MCF2: variants seen among roughly 807,000 people sequenced by gnomAD.
The protein encoded by MCF2 is MCF.2 cell line derived transforming sequence.
MCF2 carries 44 observed loss-of-function variants against 82.5 expected under a neutral mutation model. The observed-to-expected ratio is 0.53, with a 90% CI of 0.42 to 0.69. The LOEUF is 0.69. Ranked by LOEUF, MCF2 falls within the 30% of genes least tolerant of loss-of-function variation. The pLI is 0.00. For missense variants in MCF2, 623 were observed against 663.1 expected, an observed-to-expected ratio of 0.94 and a Z score of 0.66; for synonymous variants, 217 against 224.9, an observed-to-expected ratio of 0.96 and a Z score of 0.32.
chrX:139,596,521 C>G (rs1218311085), intron 19 of MCF2, 28 bp downstream of exon 23: 2 of 1,115,902 alleles, frequency 1.8e-6, no homozygotes, highest in Non-Finnish European at 1.2e-6. Context: ...CGAAACAATA[C>G]TACATTACCC....
At position 139,607,827 on chromosome X, in the gene MCF2, T is replaced by C. The variant is rs370780860; in HGVS notation, c.1402-48A>G. The C allele has an allele frequency of 1.3e-3, 1,188 of 890,034 alleles. 1 individual carries two copies. Among genetic ancestry groups the C allele is most frequent in the Non-Finnish European group, 1.8e-3 (1,095 of 618,554 alleles). 73.3% of individuals were successfully genotyped at this position (890,034 alleles called of 1,213,427 possible). A position where few individuals can be genotyped will look rare whatever the true frequency, so the allele number is the denominator to read the frequency against. ...TAAATTAGCACCTCTGTAGGTATAA[T>C]TTTTCTTCAAGGCGATCCAGCTCAA... On this transcript the variant is annotated intron_variant, in intron 11 of 24. Transcript: ENST00000370576.
At position 139,610,356 on chromosome X, in the gene MCF2, A is replaced by C. The variant is rs777050752; in HGVS notation, c.1364-18T>G. 17 of 1,138,784 alleles carry C rather than the reference A, an allele frequency of 1.5e-5. No homozygotes were observed. The highest frequency in any genetic ancestry group is 2.0e-5 in the Non-Finnish European group (17 of 839,672). The allele number at this position is 1,138,784 out of a possible 1,213,427, so 93.8% of individuals were successfully genotyped here. On this transcript the variant is annotated intron_variant, in intron 10 of 24. Transcript: ENST00000370576. ...CTTCTTCCCTGGTAGAGAAATGTGA[A>C]AGAAGAATTTCAAACCAGAATTAAA...
intron 19 of MCF2, among the ~76,000 whole-genome samples, chrX:139,596,244 G>A (rs964383289): frequency 9.0e-6 from 1 of 111,276 alleles, no homozygotes; most frequent in Non-Finnish European, 1.9e-5. Context: ...TGCTTATGAG[G>A]AGGCTGGGAC....
At chrX:139,644,304 A>C (rs769121850), upstream of MCF2, among the ~76,000 whole-genome samples, 3 of 112,292 alleles carry the variant, frequency 2.7e-5, no homozygotes, top group Non-Finnish European at 5.6e-5. Context: ...GCCATTCCAA[A>C]GTATAAATAT....
intron 19 of MCF2, among the ~76,000 whole-genome samples, chrX:139,594,740 C>T (rs1237029290): frequency 9.2e-6 from 1 of 108,669 alleles, no homozygotes; most frequent in African/African-American, 3.3e-5. Flanking sequence ...TCTAATTAAA[C>T]TAAAGAGCTT....
rs189012579 is a variant in MCF2 at position 139,678,784 on chromosome X, T to C, written c.-44-26996A>G. Among the ~76,000 whole-genome samples, 34 of 112,340 alleles carry C rather than the reference T, an allele frequency of 3.0e-4. No individual in the cohort carries two copies. The East Asian group carries it at 8.1e-3, about 27-fold the overall frequency. On this transcript the variant is annotated intron_variant, in intron 1 of 27. Coordinates refer to the MCF2 transcript ENST00000414978. ...TCAAGGAGAGCAGGATAACCTTTTATACTCACCACTTAAGCAACATTTTTT... is the reference window on the plus strand; with the variant it reads ...TCAAGGAGAGCAGGATAACCTTTTACACTCACCACTTAAGCAACATTTTTT...
intron 1 of MCF2, among the ~76,000 whole-genome samples, chrX:139,685,625 A>G (rs1719350654): frequency 9.0e-6 from 1 of 110,709 alleles, no homozygotes; most frequent in South Asian, 3.9e-4. Flanking sequence ...AGTCTTGCCC[A>G]TGCTCCCAGC....
intron 1 of MCF2, among the ~76,000 whole-genome samples, chrX:139,640,939 T>C (rs1180532729): frequency 9.0e-6 from 1 of 110,576 alleles, no homozygotes; most frequent in Non-Finnish European, 1.9e-5. Context: ...TAAGGCCTTC[T>C]CCACCAGCCA....
intron 4 of MCF2, among the ~76,000 whole-genome samples, chrX:139,629,147 T>C (rs1411546296): frequency 8.9e-6 from 1 of 112,168 alleles, no homozygotes; most frequent in Non-Finnish European, 1.9e-5. Context: ...TACAAAAACC[T>C]AGATGGATAG....
Position 139,616,369 on chromosome X carries a change from AT to A in MCF2, c.1103del (p.Asn368IlefsTer10). ...TAAAGGGTAGAGCCATTTCAAGAAAATTTTCAATGTCTTGGAGAGCTTTCTG... is the reference window on the plus strand; with the variant it reads ...TAAAGGGTAGAGCCATTTCAAGAAAATTTCAATGTCTTGGAGAGCTTTCTG... On this transcript the variant is annotated frameshift_variant, in exon 9 of 25. Transcript: ENST00000370576. LOFTEE classifies it high-confidence loss of function. 8.5e-7 allele frequency: 1 copy of A among 1,179,294 alleles called. No individual in the cohort carries two copies. The highest frequency in any genetic ancestry group is 1.1e-6 in the Non-Finnish European group (1 of 872,921).
At chrX:139,631,312 C>A in intron 3 of MCF2, 83 bp downstream of exon 6, 1 of 506,347 alleles carries the variant, frequency 2.0e-6, no homozygotes, top group Non-Finnish European at 3.1e-6. Flanking sequence ...TTGTTTTTTT[C>A]AAATAGGAAA....
intron 19 of MCF2, among the ~76,000 whole-genome samples, chrX:139,591,579 C>T (rs1306605011): frequency 9.0e-6 from 1 of 110,900 alleles, no homozygotes; most frequent in East Asian, 2.8e-4. Flanking sequence ...AGGGCCTTTC[C>T]TTGCATATAA....
chrX:139,606,810 TC>T lies in MCF2; in HGVS notation c.1490+880del, dbSNP rs201107603. Among the ~76,000 whole-genome samples the T allele has an allele frequency of 4.2e-3, 468 of 111,537 alleles. 3 individuals carry two copies. The highest frequency in any genetic ancestry group is 0.015 in the African/African-American group (453 of 30,696). On this transcript the variant is annotated intron_variant, in intron 12 of 24. Coordinates refer to ENST00000370576, the Ensembl canonical transcript of MCF2. ...TTTAACTTATACTTTTGGCTTTTTT[TC>T]TTTTTCTTTTTGCATATTAAAGCAT...
At chrX:139,646,776 T>C (rs1481998918), upstream of MCF2, 3 of 930,077 alleles carry the variant, frequency 3.2e-6, no homozygotes, top group East Asian at 6.6e-5. Context: ...AAAAATGTAA[T>C]GAAATACTAT....
chrX:139,645,759 C>T, upstream of MCF2: 1 of 483,593 alleles, frequency 2.1e-6, no homozygotes. Context: ...CATTTGATGT[C>T]TTGACTGAAG....
intron 1 of MCF2, among the ~76,000 whole-genome samples, chrX:139,673,101 G>A (rs189962846): frequency 0.017 from 1,925 of 111,877 alleles, 40 homozygotes; most frequent in African/African-American, 0.057. Flanking sequence ...GTTTATTTGC[G>A]TAGAGGTGCT....
intron 19 of MCF2, among the ~76,000 whole-genome samples, chrX:139,591,836 A>T (rs1197583686): frequency 2.7e-5 from 3 of 109,120 alleles, no homozygotes; most frequent in Non-Finnish European, 5.7e-5. Context: ...AAACCTAAAC[A>T]TCATGCAATA....
intron 1 of MCF2, among the ~76,000 whole-genome samples, chrX:139,635,311 C>T (rs1193800194): frequency 1.8e-5 from 2 of 110,134 alleles, no homozygotes; most frequent in Non-Finnish European, 3.8e-5. Flanking sequence ...TAATGTATAT[C>T]CTACCTTCTA....
At chrX:139,652,617 C>G (rs1227019480) in intron 1 of MCF2, among the ~76,000 whole-genome samples, 1 of 111,916 alleles carries the variant, frequency 8.9e-6, no homozygotes, top group East Asian at 2.8e-4. Flanking sequence ...TCAAAGTACA[C>G]TACCTGCCTC....
Sources: allele counts gnomAD v4.1 joint callset (sites outside exome capture counted in the v4.1 genomes callset), GRCh38; gene constraint gnomAD v4.1.1; transcripts MANE v1.5; gene names NCBI Gene and HGNC (gene_info 2026-07-23, HGNC 2026-07-21).